Variants in CLSTN2 observed in about 807,000 individuals in gnomAD.
CLSTN2 encodes the protein calsyntenin 2, also known as calsyntenin-2.
CLSTN2 carries 48 observed loss-of-function variants against 101.2 expected under a neutral mutation model. That is an observed-to-expected ratio of 0.47 (90% CI 0.38 to 0.60). The LOEUF (loss-of-function observed/expected upper bound fraction) is 0.60. Among genes scored for constraint, CLSTN2 ranks in the 20% least tolerant of loss-of-function variants. The probability of loss-of-function intolerance (pLI) is 0.00; values close to 1 mark genes in which losing one functional copy is unlikely to be tolerated. For synonymous variants in CLSTN2, 481 were observed against 463.6 expected (o/e 1.04, Z -0.48); for missense variants, 1,160 against 1,238.2 (o/e 0.94, Z 0.95).
intron 1 of CLSTN2, among the ~76,000 whole-genome samples, chr3:139,978,812 T>C (rs1321309532): frequency 1.3e-5 from 2 of 151,958 alleles, no homozygotes; most frequent in Non-Finnish European, 2.9e-5. Context: ...GCATGTTGTT[T>C]AGTGATGTGG....
At chr3:140,449,106 T>C (rs1180731994) in intron 6 of CLSTN2, among the ~76,000 whole-genome samples, 1 of 152,220 alleles carries the variant, frequency 6.6e-6, no homozygotes, top group Non-Finnish European at 1.5e-5. Flanking sequence ...GTAGTGTCAG[T>C]CACCTGGAAA....
At chr3:139,987,641 A>T (rs1282514976) in intron 1 of CLSTN2, among the ~76,000 whole-genome samples, 2 of 152,222 alleles carry the variant, frequency 1.3e-5, no homozygotes, top group African/African-American at 4.8e-5. Context: ...CAATCAACAA[A>T]CAGTACAGGG....
chr3:140,182,427 C>T (rs1421947709), intron 2 of CLSTN2, among the ~76,000 whole-genome samples: 1 of 152,172 alleles, frequency 6.6e-6, no homozygotes, highest in African/African-American at 2.4e-5. Context: ...TTTCCCTATC[C>T]AGCGCCTTCA....
chr3:140,283,942 T>C (rs1193414975), intron 2 of CLSTN2, among the ~76,000 whole-genome samples: 2 of 152,178 alleles, frequency 1.3e-5, no homozygotes, highest in African/African-American at 4.8e-5. Context: ...CTTCAGTGAG[T>C]TACTTTGCTC....
At chr3:140,506,928 T>C (rs1934694421) in intron 8 of CLSTN2, 1 of 152,224 alleles carries the variant, frequency 6.6e-6, no homozygotes, top group Non-Finnish European at 1.5e-5. Context: ...TAAATTCACC[T>C]GTTTCTTTTT....
At chr3:140,214,289 A>C (rs181553423) in intron 2 of CLSTN2, among the ~76,000 whole-genome samples, 123 of 152,128 alleles carry the variant, frequency 8.1e-4, no homozygotes, top group African/African-American at 2.7e-3. Flanking sequence ...AAAATACAAA[A>C]AAAATAGCTG....
Position 139,960,614 on chromosome 3 carries a change from C to T in CLSTN2, c.109+25131C>T, listed in dbSNP as rs192035972. Among the ~76,000 whole-genome samples, 4 of 152,342 alleles carry T rather than the reference C, an allele frequency of 2.6e-5. No individual in the cohort carries two copies. The East Asian group carries it at 7.7e-4, about 29-fold the overall frequency. The stretch of plus-strand genomic sequence containing the variant: ...CATTTTGCCTTCCTTTCCTTCTCTG[C>T]CTTCCATCATTTTAGCTGTTTTAAG... On this transcript the variant is annotated intron_variant, in intron 1 of 16. Coordinates refer to ENST00000458420, the MANE Select transcript of CLSTN2 (RefSeq NM_022131.3).
In CLSTN2 at chr3:140,532,568, G is replaced by A. The variant is rs1233829557; in HGVS notation, c.1507+82G>A. ...ACTTGTAGAGAAAAAGGAAAAGCAA[G>A]TGGTGTGAGAATAGTCTAGAAAAAT... On this transcript the variant is annotated intron_variant, in intron 9 of 16. Transcript: ENST00000458420. 9 of 1,291,440 alleles carry A rather than the reference G, an allele frequency of 7.0e-6. No individual in the cohort carries two copies. The South Asian group carries it at 1.5e-4, about 22-fold the overall frequency. 80.0% of individuals were successfully genotyped at this position (1,291,440 alleles called of 1,614,324 possible). A position where few individuals can be genotyped will look rare whatever the true frequency, so the allele number is the denominator to read the frequency against.
chr3:140,460,261 G>C (rs552682970), intron 7 of CLSTN2: 3 of 164,486 alleles, frequency 1.8e-5, no homozygotes, highest in African/African-American at 7.2e-5. Flanking sequence ...CCATTCGATA[G>C]GCTTTTCAGC....
intron 1 of CLSTN2, among the ~76,000 whole-genome samples, chr3:140,059,109 G>A (rs181279927): frequency 1.3e-4 from 20 of 152,354 alleles, no homozygotes; most frequent in Admixed American, 5.2e-4. Flanking sequence ...GTTCCACTGC[G>A]TCCTGCATGT....
intron 2 of CLSTN2, among the ~76,000 whole-genome samples, chr3:140,231,077 C>T (rs184935755): frequency 2.2e-4 from 33 of 152,262 alleles, no homozygotes; most frequent in Non-Finnish European, 4.0e-4. Flanking sequence ...TATAGATCTT[C>T]CCCCACTTCT....
intron 2 of CLSTN2, among the ~76,000 whole-genome samples, chr3:140,253,666 G>A (rs1416467450): frequency 6.6e-6 from 1 of 152,072 alleles, no homozygotes; most frequent in African/African-American, 2.4e-5. Context: ...AACAGGCCTG[G>A]CTCCCTTCTC....
chr3:140,478,899 GAA>G (rs1173394489), intron 8 of CLSTN2, among the ~76,000 whole-genome samples: 5 of 151,322 alleles, frequency 3.3e-5, no homozygotes, highest in South Asian at 2.1e-4. Context: ...AGGAAGGAAG[GAA>G]GGAAGGGAGG....
intron 2 of CLSTN2, among the ~76,000 whole-genome samples, chr3:140,241,202 A>G (rs1239761021): frequency 6.6e-6 from 1 of 152,136 alleles, no homozygotes; most frequent in Admixed American, 6.5e-5. Flanking sequence ...AATTGTGCCT[A>G]CCCATCCCTG....
chr3:140,150,522 G>A lies in CLSTN2; in HGVS notation c.110-25429G>A, dbSNP rs72986170. ...AGTTTTTAATTGTCAACCCTCTCAG[G>A]CATTGCATCAGCTCAGAGAAGTACT... On this transcript the variant is annotated intron_variant, in intron 1 of 16. Coordinates refer to ENST00000458420, the MANE Select transcript of CLSTN2 (RefSeq NM_022131.3). 7.9e-3 allele frequency among the ~76,000 whole-genome samples: 1,210 copies of A among 152,248 alleles called. 8 individuals are homozygous for A. Among genetic ancestry groups the A allele is most frequent in the African/African-American group, 0.028 (1,146 of 41,540 alleles).
At chr3:140,402,470 A>G (rs1032745025) in intron 2 of CLSTN2, among the ~76,000 whole-genome samples, 1 of 152,216 alleles carries the variant, frequency 6.6e-6, no homozygotes, top group Non-Finnish European at 1.5e-5. Flanking sequence ...GTTCAAATGA[A>G]GTTCTCTGGG....
At chr3:140,466,776 G>A (rs1370500710) in intron 8 of CLSTN2, 45 bp downstream of exon 8, 3 of 1,611,322 alleles carry the variant, frequency 1.9e-6, no homozygotes, top group Non-Finnish European at 2.5e-6. Context: ...GCCTCTGCGG[G>A]GGTGGCCAGT....
intron 2 of CLSTN2, among the ~76,000 whole-genome samples, chr3:140,250,321 A>G (rs531018442): frequency 6.6e-6 from 1 of 152,296 alleles, no homozygotes; most frequent in East Asian, 1.9e-4. Flanking sequence ...GGGAATCCAT[A>G]CATCAAGGCC....
intron 1 of CLSTN2, among the ~76,000 whole-genome samples, chr3:139,960,097 C>CA (rs939498174): frequency 6.6e-6 from 1 of 152,092 alleles, no homozygotes; most frequent in Admixed American, 6.6e-5. Context: ...GCTTAAACAC[C>CA]AGCTTTTAGT....
Sources: allele counts gnomAD v4.1 joint callset (sites outside exome capture counted in the v4.1 genomes callset), GRCh38; gene constraint gnomAD v4.1.1; transcripts MANE v1.5; gene names NCBI Gene and HGNC (gene_info 2026-07-23, HGNC 2026-07-21).